CFTR: variants seen among roughly 807,000 people sequenced by gnomAD.
CFTR encodes the protein CF transmembrane conductance regulator.
CFTR carries 181 observed loss-of-function variants against 171.6 expected under a neutral mutation model. The ratio of observed to expected loss-of-function variants is 1.05; its 90% CI spans 0.93 to 1.19. CFTR has a LOEUF of 1.19. Ranked by LOEUF, CFTR falls within the 50% of genes most tolerant of loss-of-function variation. The pLI, the probability that CFTR is intolerant of heterozygous loss-of-function variation, is 0.00. For missense variants in CFTR, 1,968 were observed against 1,734.7 expected, an observed-to-expected ratio of 1.13 and a Z score of -2.39; for synonymous variants, 583 against 608.0, an observed-to-expected ratio of 0.96 and a Z score of 0.60.
chr7:117,611,436 T>C (rs780516242), intron 19 of CFTR, 145 bp from the exon 20 acceptor site: 1 of 651,556 alleles, frequency 1.5e-6, no homozygotes, highest in Non-Finnish European at 2.7e-6. Flanking sequence ...ATTCAAAGAA[T>C]GGCACCAGTG....
chr7:117,546,559 T>C (rs967554114), intron 9 of CFTR, among the ~76,000 whole-genome samples: 2 of 152,184 alleles, frequency 1.3e-5, no homozygotes, highest in African/African-American at 4.8e-5. Flanking sequence ...CTACAGGTGA[T>C]TTCTCTTTTC....
At chr7:117,543,499 T>C (rs979185324) in intron 9 of CFTR, among the ~76,000 whole-genome samples, 25 of 152,340 alleles carry the variant, frequency 1.6e-4, no homozygotes, top group African/African-American at 5.8e-4. Context: ...CCTTACTATG[T>C]GCCAGGCACT....
At chr7:117,572,736 G>T (rs771029678) in intron 11 of CFTR, among the ~76,000 whole-genome samples, 1 of 152,044 alleles carries the variant, frequency 6.6e-6, no homozygotes, top group Non-Finnish European at 1.5e-5. Context: ...AAGCACAAGT[G>T]CTTAGTAATT....
chr7:117,664,963 T>TG (rs1320412451), intron 25 of CFTR, 103 bp downstream of exon 25: 2 of 1,237,880 alleles, frequency 1.6e-6, no homozygotes, highest in Admixed American at 1.7e-5. Context: ...TGTCTGCGTG[T>TG]GGGGGTCTCC....
chr7:117,610,443 T>G (rs1406306335), intron 18 of CFTR, 76 bp from the exon 19 acceptor site: 32 of 1,190,786 alleles, frequency 2.7e-5, no homozygotes, highest in Non-Finnish European at 3.3e-5. Context: ...AAAAAAGAAA[T>G]AAATCACTGA....
At chr7:117,627,252 C>T (rs1287873304) in intron 21 of CFTR, among the ~76,000 whole-genome samples, 1 of 152,036 alleles carries the variant, frequency 6.6e-6, no homozygotes, top group Non-Finnish European at 1.5e-5. Context: ...CATCTATTCC[C>T]TTGTGTGGCT....
intron 23 of CFTR, among the ~76,000 whole-genome samples, chr7:117,646,955 T>A (rs1212030866): frequency 6.6e-6 from 1 of 152,194 alleles, no homozygotes; most frequent in African/African-American, 2.4e-5. Context: ...ATTAAGTAAT[T>A]TTAGAGGAAA....
chr7:117,533,415 C>T (rs1798894136), intron 4 of CFTR, among the ~76,000 whole-genome samples: 1 of 152,130 alleles, frequency 6.6e-6, no homozygotes, highest in African/African-American at 2.4e-5. Context: ...ACTTCCTTAA[C>T]TCATCTATCA....
In CFTR at chr7:117,578,371, T is replaced by C. The variant is rs193031846; in HGVS notation, c.1585-9368T>C. 5.9e-5 allele frequency among the ~76,000 whole-genome samples: 9 copies of C among 152,258 alleles called. No homozygotes were observed. Among genetic ancestry groups the C allele is most frequent in the Middle Eastern group, 3.4e-3 (1 of 294 alleles). On this transcript the variant is annotated intron_variant, in intron 11 of 26. Transcript: ENST00000003084. The stretch of plus-strand genomic sequence containing the variant: ...TGGTTTTCTTAATAACATTTTCTTT[T>C]CTCTAGCTTGCTTTATTGTAATAAT...
At chr7:117,532,082 A>C (rs1302398094) in intron 4 of CFTR, among the ~76,000 whole-genome samples, 1 of 152,052 alleles carries the variant, frequency 6.6e-6, no homozygotes, top group Non-Finnish European at 1.5e-5. Context: ...GAAGTTAAAA[A>C]AAAAAAACAA....
At chr7:117,600,334 C>T (rs567664744) in intron 15 of CFTR, among the ~76,000 whole-genome samples, 1 of 152,090 alleles carries the variant, frequency 6.6e-6, no homozygotes, top group South Asian at 2.1e-4. Flanking sequence ...GCATCATTGA[C>T]TAGATGGAGA....
rs397508759 is a variant in CFTR, at chr7:117,534,363, G to T, written c.577G>T (p.Glu193Ter). ...LLSNNLNKFDEGLALAHFVWI... is the reference protein window; with the variant it reads ...LLSNNLNKFD ...TTCCAACAACCTGAACAAATTTGAT[G>T]AAGTATGTACCTATTGATTTAATCT... The change falls in exon 5 of 27, where the codon GAA becomes TAA. Residue 193 changes from glutamate to a stop codon, truncating the protein, a stop_gained and splice_region_variant. Coordinates refer to ENST00000003084, the MANE Select transcript of CFTR (RefSeq NM_000492.4). LOFTEE classifies it high-confidence loss of function. The T allele has an allele frequency of 5.3e-6, 8 of 1,503,044 alleles. No homozygotes were observed. The highest frequency in any genetic ancestry group is 7.4e-6 in the Non-Finnish European group (8 of 1,079,588). The allele number at this position is 1,503,044 out of a possible 1,614,324, so 93.1% of individuals were successfully genotyped here.
rs774544464 is a variant in CFTR at position 117,569,170 on chromosome 7, G to T, written c.1584+9515G>T. On this transcript the variant is annotated intron_variant, in intron 11 of 26. Coordinates refer to ENST00000003084, the MANE Select transcript of CFTR (RefSeq NM_000492.4). ...ACCAATGGTGAGTGTAGTATAAGAA[G>T]ACTGGACTGAGGACAGATTTCCAAG... Among the ~76,000 whole-genome samples the T allele has an allele frequency of 3.9e-5, 6 of 152,148 alleles. No individual in the cohort carries two copies. The South Asian group carries it at 1.2e-3, about 31-fold the overall frequency.
intron 14 of CFTR, among the ~76,000 whole-genome samples, chr7:117,593,081 G>A (rs906601459): frequency 8.5e-5 from 13 of 152,236 alleles, no homozygotes; most frequent in Middle Eastern, 3.4e-3. Flanking sequence ...TAAACATTTA[G>A]CCTCTTGATA....
At chr7:117,593,617 A>G (rs895124539) in intron 14 of CFTR, among the ~76,000 whole-genome samples, 2 of 152,124 alleles carry the variant, frequency 1.3e-5, no homozygotes, top group African/African-American at 2.4e-5. Flanking sequence ...TTTGTTTGAG[A>G]TGGAGTCTCG....
chr7:117,662,000 A>C (rs954998643), intron 24 of CFTR, among the ~76,000 whole-genome samples: 6 of 151,840 alleles, frequency 4.0e-5, no homozygotes, highest in Non-Finnish European at 8.8e-5. Flanking sequence ...AAAAAAAAAA[A>C]AAAAAACCCT....
intron 21 of CFTR, among the ~76,000 whole-genome samples, chr7:117,620,807 T>C (rs1792563461): frequency 6.6e-6 from 1 of 152,164 alleles, no homozygotes; most frequent in South Asian, 2.1e-4. Context: ...ATGCAGAATC[T>C]TTATAAAAAC....
At chr7:117,535,183 G>T in intron 5 of CFTR, 65 bp from the exon 6 acceptor site, 13 of 1,541,110 alleles carry the variant, frequency 8.4e-6, no homozygotes, top group Non-Finnish European at 9.0e-6. Flanking sequence ...TTTCATATAT[G>T]ATTGTTAGTT....
intron 10 of CFTR, among the ~76,000 whole-genome samples, chr7:117,552,283 T>G (rs1799286073): frequency 6.6e-6 from 1 of 152,090 alleles, no homozygotes. Context: ...CATGAGCCAC[T>G]GTGTCTGGTC....
Sources: allele counts gnomAD v4.1 joint callset (sites outside exome capture counted in the v4.1 genomes callset), GRCh38; gene constraint gnomAD v4.1.1; transcripts MANE v1.5; gene names NCBI Gene and HGNC (gene_info 2026-07-23, HGNC 2026-07-21).